Variants in GTF2A1L observed in about 807,000 individuals in gnomAD.
GTF2A1L encodes general transcription factor IIA subunit 1 like.
A neutral mutation model predicts 49.7 loss-of-function variants in GTF2A1L; 48 were observed. The ratio of observed to expected loss-of-function variants is 0.97; its 90% confidence interval spans 0.77 to 1.23. GTF2A1L has a LOEUF of 1.23. GTF2A1L is among the 50% of genes most tolerant of loss of function. The pLI is 0.00. For synonymous variants in GTF2A1L, 246 were observed against 193.5 expected (o/e 1.27, Z -2.25); for missense variants, 736 against 564.8 (o/e 1.30, Z -3.07).
intron 6 of GTF2A1L, among the ~76,000 whole-genome samples, chr2:48,662,653 T>C (rs1214029330): frequency 6.3e-5 from 3 of 47,866 alleles, no homozygotes; most frequent in Non-Finnish European, 1.1e-4. Flanking sequence ...TTGGTTGATC[T>C]TTTTTTTTTT....
At chr2:48,668,899 T>G (rs1679018171) in intron 6 of GTF2A1L, among the ~76,000 whole-genome samples, 1 of 151,870 alleles carries the variant, frequency 6.6e-6, no homozygotes, top group South Asian at 2.1e-4. Context: ...TATAAAATAC[T>G]TAGCAGAGGG....
At chr2:48,649,546 C>T (rs1327930221) in intron 6 of GTF2A1L, among the ~76,000 whole-genome samples, 1 of 152,184 alleles carries the variant, frequency 6.6e-6, no homozygotes, top group Non-Finnish European at 1.5e-5. Context: ...AGAGAAGTTA[C>T]TCATTTGTAA....
At chr2:48,653,450 C>T (rs770083063) in intron 6 of GTF2A1L, among the ~76,000 whole-genome samples, 5 of 152,142 alleles carry the variant, frequency 3.3e-5, no homozygotes, top group Non-Finnish European at 7.4e-5. Context: ...GGCGGTCACT[C>T]ACTGACCTGT....
At chr2:48,656,917 G>A (rs1200833288) in intron 6 of GTF2A1L, among the ~76,000 whole-genome samples, 1 of 152,080 alleles carries the variant, frequency 6.6e-6, no homozygotes, top group African/African-American at 2.4e-5. Context: ...TCAATGTGGT[G>A]CTAGTTTTCC....
chr2:48,619,080 C>T (rs938384563), intron 1 of GTF2A1L, among the ~76,000 whole-genome samples: 6 of 152,096 alleles, frequency 3.9e-5, no homozygotes, highest in African/African-American at 1.4e-4. Context: ...AATGCATGTG[C>T]TTGTGAATAA....
intron 6 of GTF2A1L, among the ~76,000 whole-genome samples, chr2:48,662,858 C>G (rs565725136): frequency 1.3e-5 from 2 of 151,818 alleles, no homozygotes; most frequent in South Asian, 2.1e-4. Context: ...GGGAGCTAAA[C>G]AACAAGAACA....
intron 3 of GTF2A1L, among the ~76,000 whole-genome samples, chr2:48,629,550 T>C (rs1270811001): frequency 7.0e-6 from 1 of 143,654 alleles, no homozygotes; most frequent in Non-Finnish European, 1.6e-5. Flanking sequence ...TCTGTTTGTC[T>C]CAAGATTAGC....
At chr2:48,644,059 T>C (rs1677359540) in intron 4 of GTF2A1L, among the ~76,000 whole-genome samples, 1 of 152,146 alleles carries the variant, frequency 6.6e-6, no homozygotes, top group Non-Finnish European at 1.5e-5. Flanking sequence ...TAGTCCTGGC[T>C]ACTTGAGAGG....
chr2:48,639,110 A>T (rs1677063873), intron 3 of GTF2A1L, among the ~76,000 whole-genome samples: 1 of 152,230 alleles, frequency 6.6e-6, no homozygotes, highest in Non-Finnish European at 1.5e-5. Context: ...AATATTATTA[A>T]AATGGCCATA....
intron 6 of GTF2A1L, among the ~76,000 whole-genome samples, chr2:48,662,559 A>G (rs928111214): frequency 6.6e-6 from 1 of 151,936 alleles, no homozygotes; most frequent in Admixed American, 6.6e-5. Context: ...GAACTACTCT[A>G]GCTGGGTTTT....
chr2:48,619,829 A>G (rs981035445), intron 1 of GTF2A1L, among the ~76,000 whole-genome samples: 11 of 152,176 alleles, frequency 7.2e-5, no homozygotes, highest in African/African-American at 2.2e-4. Context: ...CTGGGTAGAA[A>G]TCTGCTTAAT....
At chr2:48,668,840 A>G (rs1331155834) in intron 6 of GTF2A1L, among the ~76,000 whole-genome samples, 1 of 104,608 alleles carries the variant, frequency 9.6e-6, no homozygotes, top group Non-Finnish European at 2.4e-5. Context: ...GCCTCAAAAA[A>G]TAAATAAATA....
intron 3 of GTF2A1L, among the ~76,000 whole-genome samples, chr2:48,640,983 TA>T (rs1181686248): frequency 3.3e-5 from 5 of 152,332 alleles, no homozygotes; most frequent in Non-Finnish European, 7.4e-5. Context: ...CCAATGTCTA[TA>T]AAGAAACTTT....
chr2:48,659,476 T>G (rs539996887), intron 6 of GTF2A1L, among the ~76,000 whole-genome samples: 1 of 152,270 alleles, frequency 6.6e-6, no homozygotes, highest in South Asian at 2.1e-4. Flanking sequence ...GAGATTTGAA[T>G]TTTTGGATAG....
intron 8 of GTF2A1L, among the ~76,000 whole-genome samples, chr2:48,676,564 T>C (rs1679478881): frequency 6.6e-6 from 1 of 151,872 alleles, no homozygotes; most frequent in South Asian, 2.1e-4. Context: ...TTGGATTATT[T>C]GGTCTTATAT....
chr2:48,666,435 T>C (rs764200833), intron 6 of GTF2A1L, among the ~76,000 whole-genome samples: 1 of 152,180 alleles, frequency 6.6e-6, no homozygotes, highest in Non-Finnish European at 1.5e-5. Flanking sequence ...GGTCTTGAAC[T>C]CCTGACCTTG....
chr2:48,644,587 A>T (rs1200722565), intron 4 of GTF2A1L, among the ~76,000 whole-genome samples: 1 of 152,140 alleles, frequency 6.6e-6, no homozygotes, highest in Non-Finnish European at 1.5e-5. Context: ...TTGTATTTTC[A>T]TTTTTGGTAT....
At chr2:48,643,461 C>T (rs1424522393) in intron 4 of GTF2A1L, among the ~76,000 whole-genome samples, 2 of 152,126 alleles carry the variant, frequency 1.3e-5, no homozygotes, top group Non-Finnish European at 2.9e-5. Context: ...CAGCCAAAAC[C>T]ACACACCTTA....
At chr2:48,624,059 A>G (rs1362935259) in intron 3 of GTF2A1L, among the ~76,000 whole-genome samples, 1 of 145,842 alleles carries the variant, frequency 6.9e-6, no homozygotes, top group Non-Finnish European at 1.6e-5. Flanking sequence ...ATCTAAACCC[A>G]GAAACTTGTT....
Sources: allele counts gnomAD v4.1 joint callset (sites outside exome capture counted in the v4.1 genomes callset), GRCh38; gene constraint gnomAD v4.1.1; transcripts MANE v1.5; gene names NCBI Gene and HGNC (gene_info 2026-07-23, HGNC 2026-07-21).